Variants in ATRNL1 observed in about 807,000 individuals in gnomAD.
The protein encoded by ATRNL1 is attractin-like protein 1.
In ATRNL1, 95 loss-of-function variants were observed where a neutral mutation model predicts 182.7. That is an observed-to-expected ratio of 0.52 (90% CI 0.44 to 0.62). The LOEUF is 0.62. ATRNL1 is among the 20% of genes least tolerant of loss of function. The pLI is 0.00. For synonymous variants in ATRNL1, 576 were observed against 568.3 expected (o/e 1.01, Z -0.19); for missense variants, 1,471 against 1,679.5 (o/e 0.88, Z 2.17).
chr10:115,689,754 A>G (rs1048028029), intron 26 of ATRNL1, among the ~76,000 whole-genome samples: 1 of 152,184 alleles, frequency 6.6e-6, no homozygotes, highest in Non-Finnish European at 1.5e-5. Context: ...ACAGCCCCAG[A>G]CACAGAGCTC....
chr10:115,905,371 C>A (rs1393172342), intron 28 of ATRNL1, among the ~76,000 whole-genome samples: 1 of 150,180 alleles, frequency 6.7e-6, no homozygotes, highest in South Asian at 2.1e-4. Flanking sequence ...TATGCCTATA[C>A]CACCACACCC....
At chr10:115,405,865 CCA>C (rs1185445479) in intron 20 of ATRNL1, among the ~76,000 whole-genome samples, 1 of 126,372 alleles carries the variant, frequency 7.9e-6, no homozygotes, top group African/African-American at 3.0e-5. Context: ...ACAACAGGCC[CCA>C]GTTTGTGATG....
intron 8 of ATRNL1, among the ~76,000 whole-genome samples, chr10:115,193,983 A>G (rs537238372): frequency 9.9e-5 from 15 of 151,830 alleles, no homozygotes; most frequent in Non-Finnish European, 1.6e-4. Context: ...AAGCATTTCC[A>G]TGAGTTTGTA....
In ATRNL1 at chr10:115,487,375, A is replaced by G. The variant is rs782531526; in HGVS notation, c.3654+18046A>G. ...AGACTGATTCTTCCTATCAATGACC[A>G]TGGAATGTTTTTCCATTTGTTTGTG... is the stretch of plus-strand genomic sequence containing the variant. On this transcript the variant is annotated intron_variant, in intron 24 of 28. Coordinates refer to ENST00000355044, the MANE Select transcript of ATRNL1 (RefSeq NM_207303.4). Among the ~76,000 whole-genome samples the G allele has an allele frequency of 2.6e-5, 4 of 152,148 alleles. No homozygotes were observed. In the South Asian group the frequency reaches 6.2e-4, roughly 24 times the overall value.
In ATRNL1 at chr10:115,098,794, C is replaced by T. The variant is rs371871301; in HGVS notation, c.293+4751C>T. ...GTTTCTAAAGGAGGCTTGTCTGACT[C>T]TTCACACTAGGTTACCCCTTATATA... On this transcript the variant is annotated intron_variant, in intron 1 of 28. Coordinates refer to ENST00000355044, the MANE Select transcript of ATRNL1 (RefSeq NM_207303.4). Among the ~76,000 whole-genome samples, 121 of 152,154 alleles carry T rather than the reference C, an allele frequency of 8.0e-4. 2 individuals are homozygous for T. The South Asian group carries it at 0.024, about 31-fold the overall frequency.
chr10:115,375,391 A>G (rs1421580350), intron 19 of ATRNL1, among the ~76,000 whole-genome samples: 1 of 151,852 alleles, frequency 6.6e-6, no homozygotes, highest in Non-Finnish European at 1.5e-5. Context: ...TAGGGAGTCT[A>G]TTGTTTGATC....
At chr10:115,594,997 T>C (rs1555013518) in intron 26 of ATRNL1, among the ~76,000 whole-genome samples, 1 of 152,156 alleles carries the variant, frequency 6.6e-6, no homozygotes, top group African/African-American at 2.4e-5. Flanking sequence ...AGTAAACAAA[T>C]CAGAAATATG....
At chr10:115,519,465 A>G (rs1554984687) in intron 25 of ATRNL1, 141 bp downstream of exon 25, 2 of 694,458 alleles carry the variant, frequency 2.9e-6, no homozygotes, top group East Asian at 2.8e-5. Flanking sequence ...ATGCTTAAAT[A>G]TATCCCACAG....
chr10:115,094,542 A>G (rs2084964644), intron 1 of ATRNL1, among the ~76,000 whole-genome samples: 1 of 152,188 alleles, frequency 6.6e-6, no homozygotes, highest in Non-Finnish European at 1.5e-5. Context: ...TTATTTAGTC[A>G]TCATAGTGAT....
intron 5 of ATRNL1, among the ~76,000 whole-genome samples, chr10:115,152,623 A>T (rs1479997599): frequency 2.0e-5 from 3 of 152,152 alleles, no homozygotes; most frequent in African/African-American, 7.2e-5. Flanking sequence ...GGCTGAGATG[A>T]TGGGGTTTTC....
chr10:115,504,605 T>C (rs529622092), intron 24 of ATRNL1, among the ~76,000 whole-genome samples: 24 of 152,234 alleles, frequency 1.6e-4, no homozygotes, highest in Non-Finnish European at 3.2e-4. Context: ...GGAATAAGTA[T>C]GAAATTACTT....
At chr10:115,501,339 G>T (rs2133633879) in intron 24 of ATRNL1, among the ~76,000 whole-genome samples, 2 of 152,186 alleles carry the variant, frequency 1.3e-5, no homozygotes, top group Middle Eastern at 6.8e-3. Context: ...TAAACTTGGG[G>T]CTCATGGGCC....
At position 115,171,115 on chromosome 10, in the gene ATRNL1, C is replaced by A. The variant is rs1847273287; in HGVS notation, c.1171C>A (p.His391Asn). The change falls in exon 8 of 29, where the codon CAT (histidine) becomes AAT (asparagine). Residue 391 changes from histidine (H) to asparagine (N), a missense_variant. Around this residue, in one of 3 missense-constraint regions of ATRNL1, gnomAD observed 1,031 missense variants for 1,156.0 expected, o/e 0.89. Transcript: ENST00000355044. ...VTDELWVFNIHSQSWSTKTPT... is the reference protein window; with the variant it reads ...VTDELWVFNINSQSWSTKTPT... ...AGATGAATTATGGGTTTTTAACATACATAGTCAGTCATGGAGTACAAAAAC... is the reference window on the plus strand; with the variant it reads ...AGATGAATTATGGGTTTTTAACATAAATAGTCAGTCATGGAGTACAAAAAC... The A allele has an allele frequency of 1.2e-6, 2 of 1,604,934 alleles. No individual in the cohort carries two copies. Among genetic ancestry groups the A allele is most frequent in the Non-Finnish European group, 1.7e-6 (2 of 1,174,468 alleles).
intron 14 of ATRNL1, among the ~76,000 whole-genome samples, chr10:115,284,121 C>A (rs1852498344): frequency 1.3e-5 from 2 of 152,120 alleles, no homozygotes; most frequent in African/African-American, 2.4e-5. Flanking sequence ...TTGAATTTAT[C>A]TCACTAAACT....
chr10:115,285,101 C>CT (rs1445794310), intron 14 of ATRNL1, among the ~76,000 whole-genome samples: 1 of 152,038 alleles, frequency 6.6e-6, no homozygotes, highest in Non-Finnish European at 1.5e-5. Context: ...GATACGTTTC[C>CT]TTTGGGCCTA....
intron 7 of ATRNL1, among the ~76,000 whole-genome samples, chr10:115,168,100 T>A (rs1847127767): frequency 6.6e-6 from 1 of 152,300 alleles, no homozygotes; most frequent in South Asian, 2.1e-4. Context: ...ATGTTATGAC[T>A]ACCATATTTC....
At chr10:115,902,169 G>A (rs923426113) in intron 28 of ATRNL1, among the ~76,000 whole-genome samples, 24 of 152,056 alleles carry the variant, frequency 1.6e-4, no homozygotes, top group East Asian at 5.8e-4. Flanking sequence ...ATTAAATTGC[G>A]GTTGCAGTTG....
At position 115,137,413 on chromosome 10, in the gene ATRNL1, G is replaced by A. The variant is rs150226973; in HGVS notation, c.829+7878G>A. 4.6e-3 allele frequency among the ~76,000 whole-genome samples: 700 copies of A among 152,256 alleles called. 5 individuals carry two copies. The highest frequency in any genetic ancestry group is 0.015 in the African/African-American group (611 of 41,548). On this transcript the variant is annotated intron_variant, in intron 5 of 28. Coordinates refer to ENST00000355044, the MANE Select transcript of ATRNL1 (RefSeq NM_207303.4). ...TCTCATGCTGCCTTGCAGCTAGTAT[G>A]GCTATGTTACTGTATTAGTCTGTTT...
At chr10:115,866,969 C>T (rs1459653474) in intron 28 of ATRNL1, among the ~76,000 whole-genome samples, 1 of 152,122 alleles carries the variant, frequency 6.6e-6, no homozygotes, top group Admixed American at 6.5e-5. Context: ...TTAGGAAATC[C>T]TGTGAATTTC....
Sources: gnomAD v4.1 joint callset for allele counts (sites outside exome capture counted in the v4.1 genomes callset) on GRCh38, gnomAD v4.1.1 for gene constraint, gnomAD v4.1.1 regional missense constraint, MANE v1.5 for transcripts, NCBI Gene and HGNC (gene_info 2026-07-23, HGNC 2026-07-21) for gene names.